Variants in ZFP90 observed in about 807,000 individuals in gnomAD.
ZFP90 encodes the protein zinc finger protein 90 homolog.
ZFP90 carries 38 observed loss-of-function variants against 60.8 expected under a neutral mutation model. That is an observed-to-expected ratio of 0.62 (90% CI 0.48 to 0.82). ZFP90 has a LOEUF of 0.82. ZFP90 is among the 40% of genes least tolerant of loss of function. The pLI, the probability that ZFP90 is intolerant of heterozygous loss-of-function variation, is 0.00. For missense variants in ZFP90, 711 were observed against 759.1 expected, an observed-to-expected ratio of 0.94 and a Z score of 0.74; for synonymous variants, 287 against 264.8, an observed-to-expected ratio of 1.08 and a Z score of -0.82.
chr16:68,543,231 G>T lies in ZFP90; in HGVS notation c.33+3406G>T, dbSNP rs148288384. ...TATTCAAGGAGCAGCAAAGAGGCCA[G>T]TGTAGCTTGAGCTGGTGATTTGGGG... On this transcript the variant is annotated intron_variant, in intron 2 of 4. Coordinates refer to ENST00000563169, the MANE Select transcript of ZFP90 (RefSeq NM_001305203.2). Among the ~76,000 whole-genome samples the T allele has an allele frequency of 4.5e-3, 689 of 152,324 alleles. 5 individuals carry two copies. Among genetic ancestry groups the T allele is most frequent in the African/African-American group, 0.016 (675 of 41,576 alleles).
chr16:68,550,555 G>A (rs1482081673), intron 2 of ZFP90, among the ~76,000 whole-genome samples: 1 of 152,184 alleles, frequency 6.6e-6, no homozygotes, highest in East Asian at 1.9e-4. Flanking sequence ...CTGGCCCAGT[G>A]TGTATTTTGC....
downstream of ZFP90, among the ~76,000 whole-genome samples, chr16:68,570,152 C>T (rs181020192): frequency 8.7e-4 from 133 of 152,214 alleles, 2 homozygotes; most frequent in South Asian, 4.4e-3. Context: ...GTGGAATACT[C>T]ATCTCTAATT....
rs1004843872 is a variant in ZFP90, at chr16:68,566,636, T to C, written c.*1938T>C. ...TGCTGACCATCCAAAACACCTTGTT[T>C]ATGGTGCACCATGATTAGCTCACAC... On this transcript the variant is annotated 3_prime_UTR_variant, in exon 5 of 5. Transcript: ENST00000563169. The C allele has an allele frequency of 2.7e-5, 27 of 985,470 alleles. No individual in the cohort carries two copies. The highest frequency in any genetic ancestry group is 2.9e-5 in the Non-Finnish European group (24 of 829,956). 61.0% of individuals were successfully genotyped at this position (985,470 alleles called of 1,614,324 possible). A position where few individuals can be genotyped will look rare whatever the true frequency, so the allele number is the denominator to read the frequency against.
In ZFP90 at chr16:68,576,067, T is replaced by C. The variant is rs1597763952; in HGVS notation, c.*191T>C. The C allele has an allele frequency of 1.2e-5, 4 of 338,602 alleles. No homozygotes were observed. The East Asian group carries it at 1.7e-4, about 15-fold the overall frequency. 21.0% of individuals were successfully genotyped at this position (338,602 alleles called of 1,614,324 possible). A position where few individuals can be genotyped will look rare whatever the true frequency, so the allele number is the denominator to read the frequency against. The stretch of plus-strand genomic sequence containing the variant: ...AAAAAAAAAAAAAAAAGCATTTCAT[T>C]AACAAGAGTGATCTTTGTGGCATTT... On this transcript the variant is annotated 3_prime_UTR_variant, in exon 3 of 3. Coordinates refer to the ZFP90 transcript ENST00000573113.
At chr16:68,554,492 G>C (rs947028989) in intron 2 of ZFP90, among the ~76,000 whole-genome samples, 1 of 152,186 alleles carries the variant, frequency 6.6e-6, no homozygotes, top group South Asian at 2.1e-4. Context: ...AAGTAACTCT[G>C]ATAGTGCCCA....
chr16:68,536,501 A>G (rs1040080345), upstream of ZFP90, among the ~76,000 whole-genome samples: 7 of 152,018 alleles, frequency 4.6e-5, no homozygotes, highest in Non-Finnish European at 1.0e-4. Flanking sequence ...ACAAGGTCTC[A>G]CTATGTTGAC....
intron 2 of ZFP90, chr16:68,533,979 CT>C (rs1435244094): frequency 6.6e-6 from 1 of 152,076 alleles, no homozygotes; most frequent in Non-Finnish European, 1.5e-5. Flanking sequence ...ATTCCAGAAT[CT>C]TTATATCTTT....
chr16:68,556,961 G>A (rs2091353928), intron 2 of ZFP90, among the ~76,000 whole-genome samples: 2 of 152,130 alleles, frequency 1.3e-5, no homozygotes, highest in Admixed American at 6.5e-5. Context: ...ATCAGCATGC[G>A]ACAGCCTGGT....
intron 2 of ZFP90, among the ~76,000 whole-genome samples, chr16:68,554,887 C>T (rs765608082): frequency 3.3e-5 from 5 of 152,110 alleles, no homozygotes; most frequent in Non-Finnish European, 7.4e-5. Flanking sequence ...ATTACTAAAC[C>T]GAAGAGACAA....
chr16:68,572,428 C>T (rs1022650207), intron 2 of ZFP90, among the ~76,000 whole-genome samples: 8 of 152,272 alleles, frequency 5.3e-5, no homozygotes, highest in African/African-American at 1.2e-4. Context: ...CTTGGAGTTG[C>T]TGATAAAGCT....
At chr16:68,536,552 C>T (rs148672766), upstream of ZFP90, among the ~76,000 whole-genome samples, 468 of 152,168 alleles carry the variant, frequency 3.1e-3, 5 homozygotes, top group Middle Eastern at 3.4e-3. Context: ...GATCCTCCCT[C>T]CTCAGCCTCC....
chr16:68,541,254 T>G (rs1194002873), intron 2 of ZFP90, among the ~76,000 whole-genome samples: 1 of 152,108 alleles, frequency 6.6e-6, no homozygotes, highest in Non-Finnish European at 1.5e-5. Context: ...GCCAGTCTGG[T>G]CTCGAACTCC....
chr16:68,565,772 C>T lies in ZFP90; in HGVS notation c.*1074C>T, dbSNP rs745614902. 4 of 985,390 alleles carry T rather than the reference C, an allele frequency of 4.1e-6. No homozygotes were observed. The highest frequency in any genetic ancestry group is 4.8e-6 in the Non-Finnish European group (4 of 829,908). The allele number at this position is 985,390 out of a possible 1,614,324, so 61.0% of individuals were successfully genotyped here. ...CCATTGCCATAAATTTTGCCTTGTA[C>T]TCAGAGAAGCAACATGCACTGGCTC... On this transcript the variant is annotated 3_prime_UTR_variant, in exon 5 of 5. Transcript: ENST00000563169.
intron 2 of ZFP90, 39 bp downstream of exon 2, chr16:68,539,864 A>C (rs753045169): frequency 1.3e-6 from 2 of 1,598,516 alleles, no homozygotes; most frequent in Non-Finnish European, 1.7e-6. Flanking sequence ...CATCCCATCC[A>C]TCTATCCATC....
rs2091500814 is a variant in ZFP90, at chr16:68,564,857, A to G, written c.*159A>G. ...AGTAGACAGATTTTTTTTTTTTAAC[A>G]TAAAGACACATTCTCAGATCTGATT... On this transcript the variant is annotated 3_prime_UTR_variant, in exon 5 of 5. Coordinates refer to ENST00000563169, the MANE Select transcript of ZFP90 (RefSeq NM_001305203.2). The G allele has an allele frequency of 2.8e-5, 38 of 1,373,512 alleles. No individual in the cohort carries two copies. The highest frequency in any genetic ancestry group is 2.7e-4 in the Middle Eastern group (1 of 3,752). The allele number at this position is 1,373,512 out of a possible 1,614,324, so 85.1% of individuals were successfully genotyped here.
chr16:68,536,629 C>A (rs2090962619), upstream of ZFP90, among the ~76,000 whole-genome samples: 1 of 152,112 alleles, frequency 6.6e-6, no homozygotes, highest in African/African-American at 2.4e-5. Context: ...CCGTCATACT[C>A]TTATATAGCC....
At chr16:68,551,513 C>T (rs1209510727) in intron 2 of ZFP90, among the ~76,000 whole-genome samples, 2 of 149,504 alleles carry the variant, frequency 1.3e-5, no homozygotes, top group Non-Finnish European at 3.0e-5. Flanking sequence ...ACTTCGTCTC[C>T]TGGGTTCAAG....
At chr16:68,535,024 T>G (rs1008204789), upstream of ZFP90, among the ~76,000 whole-genome samples, 4 of 152,242 alleles carry the variant, frequency 2.6e-5, no homozygotes, top group African/African-American at 9.6e-5. Flanking sequence ...TTTTCTGTCA[T>G]TCATGGTTCC....
Position 68,563,687 on chromosome 16 carries a change from T to C in ZFP90, c.900T>C (p.His300=). Residue 300 remains histidine, a synonymous_variant, in exon 5 of 5, where the codon CAT becomes CAC. Coordinates refer to ENST00000563169, the MANE Select transcript of ZFP90 (RefSeq NM_001305203.2). ...GGCATAGCTCATCTCTTGGTCAGCA[T>C]GAGAATGCTCATACCGGAGAGAAAC... The part of the protein sequence containing the change: ...AFRHSSSLGQ[H]ENAHTGEKPY... 6.2e-7 allele frequency: 1 copy of C among 1,614,124 alleles called. No individual in the cohort carries two copies. Among genetic ancestry groups the C allele is most frequent in the South Asian group, 1.1e-5 (1 of 91,080 alleles).
Sources: gnomAD v4.1 joint callset for allele counts (sites outside exome capture counted in the v4.1 genomes callset) on GRCh38, gnomAD v4.1.1 for gene constraint, MANE v1.5 for transcripts, NCBI Gene and HGNC (gene_info 2026-07-23, HGNC 2026-07-21) for gene names.